The following PLCL1 variants were observed in gnomAD, a reference collection of about 807,000 sequenced individuals.
The protein encoded by PLCL1 is inactive phospholipase C-like protein 1.
In PLCL1, 41 loss-of-function variants were observed where a neutral mutation model predicts 84.4. The ratio of observed to expected loss-of-function variants is 0.49; its 90% confidence interval spans 0.38 to 0.63. The LOEUF (loss-of-function observed/expected upper bound fraction) is 0.63. PLCL1 is among the 30% of genes least tolerant of loss of function. PLCL1 has a pLI of 0.00. For missense variants in PLCL1, 1,206 were observed against 1,367.8 expected (o/e 0.88, Z 1.87); for synonymous variants, 490 against 488.3 (o/e 1.00, Z -0.05).
intron 1 of PLCL1, among the ~76,000 whole-genome samples, chr2:197,826,024 G>T (rs540327759): frequency 6.6e-6 from 1 of 152,114 alleles, no homozygotes; most frequent in South Asian, 2.1e-4. Flanking sequence ...ATAATTTTAC[G>T]ACAGGGTCTA....
At chr2:197,858,461 C>A (rs138878476) in intron 1 of PLCL1, among the ~76,000 whole-genome samples, 49 of 152,058 alleles carry the variant, frequency 3.2e-4, no homozygotes, top group Non-Finnish European at 6.9e-4. Flanking sequence ...CTCCCTTATG[C>A]GGGGTGGTAC....
At chr2:197,841,204 A>G (rs1437024605) in intron 1 of PLCL1, among the ~76,000 whole-genome samples, 1 of 151,698 alleles carries the variant, frequency 6.6e-6, no homozygotes, top group Non-Finnish European at 1.5e-5. Flanking sequence ...GTTATTTTTT[A>G]TTTTTTTTCT....
At position 197,923,447 on chromosome 2, in the gene PLCL1, G is replaced by A. The variant is rs764577872; in HGVS notation, c.240+118108G>A. 6.6e-3 allele frequency among the ~76,000 whole-genome samples: 967 copies of A among 145,448 alleles called. 3 individuals are homozygous for A. Among genetic ancestry groups the A allele is most frequent in the Non-Finnish European group, 0.01 (671 of 66,242 alleles). On this transcript the variant is annotated intron_variant, in intron 1 of 5. Coordinates refer to ENST00000428675, the MANE Select transcript of PLCL1 (RefSeq NM_006226.4). ...GGTCTCCTCACTTCTCAGACGGGGC[G>A]GCCGGGCAGAGACGCTCCTCACCTC...
chr2:198,008,475 A>C (rs1041866197), intron 1 of PLCL1, among the ~76,000 whole-genome samples: 4 of 151,820 alleles, frequency 2.6e-5, no homozygotes, highest in African/African-American at 9.7e-5. Flanking sequence ...TCATTTTGTG[A>C]CTATTTCACT....
intron 1 of PLCL1, among the ~76,000 whole-genome samples, chr2:197,889,223 T>C (rs1991993): frequency 1 from 151,561 of 152,280 alleles, 75,424 homozygotes; most frequent in Middle Eastern, 1. Context: ...GGGAAGAAAT[T>C]TTCTGTCTCC....
At chr2:197,823,504 C>G (rs1038924287) in intron 1 of PLCL1, among the ~76,000 whole-genome samples, 1 of 151,954 alleles carries the variant, frequency 6.6e-6, no homozygotes, top group Admixed American at 6.6e-5. Flanking sequence ...AAATCTGAGG[C>G]TAGTTTTGAA....
At chr2:197,864,650 G>T (rs1447925313) in intron 1 of PLCL1, among the ~76,000 whole-genome samples, 1 of 151,548 alleles carries the variant, frequency 6.6e-6, no homozygotes, top group East Asian at 1.9e-4. Flanking sequence ...CTGGCTAATT[G>T]TTTTGTAGAG....
At position 198,084,887 on chromosome 2, in the gene PLCL1, G is replaced by T. The variant is rs1159231413; in HGVS notation, c.1370G>T (p.Cys457Phe). 6.2e-7 allele frequency: 1 copy of T among 1,614,016 alleles called. No individual in the cohort carries two copies. Among genetic ancestry groups the T allele is most frequent in the Admixed American group, 1.7e-5 (1 of 59,988 alleles). ...SDGSDNEPILCNRNNMTTHVS... is the reference protein window; with the variant it reads ...SDGSDNEPILFNRNNMTTHVS... The stretch of plus-strand genomic sequence containing the variant: ...GGTTCAGATAATGAACCAATCCTTT[G>T]TAATCGAAATAACATGACAACCCAT... The change falls in exon 2 of 6, where the codon TGT becomes TTT. Residue 457 changes from cysteine to phenylalanine, a missense_variant. Physicochemically the swap from Cys to Phe is radical, Grantham distance 205. Transcript: ENST00000428675.
chr2:198,131,651 A>T (rs73063048), intron 5 of PLCL1, among the ~76,000 whole-genome samples: 2,899 of 152,184 alleles, frequency 0.019, 35 homozygotes, highest in African/African-American at 0.031. Flanking sequence ...ATCAGCCATA[A>T]CCCCTATTCT....
chr2:197,974,868 G>C (rs569358718), intron 1 of PLCL1, among the ~76,000 whole-genome samples: 1 of 152,290 alleles, frequency 6.6e-6, no homozygotes, highest in African/African-American at 2.4e-5. Flanking sequence ...TTGGCCGGGC[G>C]CAGTGGCTCA....
chr2:197,810,664 ACTGAACAAG>A (rs1349271616), intron 1 of PLCL1, among the ~76,000 whole-genome samples: 1 of 152,234 alleles, frequency 6.6e-6, no homozygotes, highest in African/African-American at 2.4e-5. Flanking sequence ...CCTTGGTGCT[ACTGAACAAG>A]CAATTCATTA....
intron 1 of PLCL1, among the ~76,000 whole-genome samples, chr2:197,854,113 C>T (rs1334938404): frequency 1.3e-5 from 2 of 152,074 alleles, no homozygotes; most frequent in South Asian, 2.1e-4. Flanking sequence ...TCAGAGGTTC[C>T]GTGAGGGCAG....
At chr2:197,840,491 T>G (rs1320657264) in intron 1 of PLCL1, among the ~76,000 whole-genome samples, 1 of 152,170 alleles carries the variant, frequency 6.6e-6, no homozygotes, top group Non-Finnish European at 1.5e-5. Flanking sequence ...CATTTCATCA[T>G]CAGAAGCTCA....
At chr2:197,905,331 G>A (rs1688357511) in intron 1 of PLCL1, among the ~76,000 whole-genome samples, 1 of 152,220 alleles carries the variant, frequency 6.6e-6, no homozygotes. Flanking sequence ...ACACTTATGA[G>A]TGAGAACACG....
chr2:197,953,514 A>G (rs752556987), intron 1 of PLCL1, among the ~76,000 whole-genome samples: 6 of 152,102 alleles, frequency 3.9e-5, no homozygotes, highest in Non-Finnish European at 7.4e-5. Context: ...CATTTTGCTC[A>G]GAGGTTAATT....
At chr2:197,887,228 TA>T (rs1034555332) in intron 1 of PLCL1, among the ~76,000 whole-genome samples, 5 of 152,084 alleles carry the variant, frequency 3.3e-5, no homozygotes, top group Admixed American at 2.0e-4. Flanking sequence ...TTCTGCTTTT[TA>T]AAAAAAGCAT....
intron 1 of PLCL1, among the ~76,000 whole-genome samples, chr2:197,825,384 T>G (rs1051192572): frequency 2.6e-5 from 4 of 152,196 alleles, no homozygotes; most frequent in Admixed American, 2.0e-4. Flanking sequence ...AGTATTCTTT[T>G]AGCTAATCAG....
chr2:197,900,294 C>A (rs1348665230), intron 1 of PLCL1, among the ~76,000 whole-genome samples: 1 of 152,096 alleles, frequency 6.6e-6, no homozygotes, highest in Non-Finnish European at 1.5e-5. Context: ...ATTTTAGAAT[C>A]TATTAAGTAG....
intron 1 of PLCL1, among the ~76,000 whole-genome samples, chr2:197,882,146 G>A (rs1356906635): frequency 6.6e-6 from 1 of 152,070 alleles, no homozygotes; most frequent in Non-Finnish European, 1.5e-5. Context: ...GGCAGTGGAG[G>A]GGGAGGAGCC....
Sources: allele counts gnomAD v4.1 joint callset (sites outside exome capture counted in the v4.1 genomes callset), GRCh38; gene constraint gnomAD v4.1.1; transcripts MANE v1.5; gene names NCBI Gene and HGNC (gene_info 2026-07-23, HGNC 2026-07-21).